CPNE4: variants seen among roughly 807,000 people sequenced by gnomAD.
CPNE4 encodes the protein copine-4.
In CPNE4, 25 loss-of-function variants were observed where a neutral mutation model predicts 67.9. The observed-to-expected ratio is 0.37, with a 90% CI of 0.27 to 0.51. CPNE4 has a LOEUF of 0.51. Among genes scored for constraint, CPNE4 ranks in the 20% least tolerant of loss-of-function variants. CPNE4 has a pLI of 0.93. For missense variants in CPNE4, 464 were observed against 690.8 expected (o/e 0.67, Z 3.68); for synonymous variants, 242 against 244.9 (o/e 0.99, Z 0.11).
At chr3:131,635,196 C>A (rs2079344401) in intron 7 of CPNE4, among the ~76,000 whole-genome samples, 1 of 152,160 alleles carries the variant, frequency 6.6e-6, no homozygotes, top group Non-Finnish European at 1.5e-5. Context: ...TGTAAAAAGT[C>A]TCGGAAAACC....
intron 7 of CPNE4, among the ~76,000 whole-genome samples, chr3:131,600,038 T>C (rs547366760): frequency 1.3e-5 from 2 of 152,148 alleles, no homozygotes; most frequent in Admixed American, 6.5e-5. Context: ...TATATCTCTA[T>C]GCAGTTGGGT....
chr3:131,887,178 G>A (rs1163765937), intron 2 of CPNE4, among the ~76,000 whole-genome samples: 1 of 152,170 alleles, frequency 6.6e-6, no homozygotes, highest in African/African-American at 2.4e-5. Context: ...CCCCCATACT[G>A]TTCTCATGGT....
chr3:131,592,403 A>G (rs1389564617), intron 7 of CPNE4, among the ~76,000 whole-genome samples: 1 of 152,198 alleles, frequency 6.6e-6, no homozygotes, highest in Non-Finnish European at 1.5e-5. Flanking sequence ...TTAACTGAGC[A>G]TCTTTTATAA....
chr3:131,866,158 C>T (rs1320310814), intron 2 of CPNE4, among the ~76,000 whole-genome samples: 1 of 152,210 alleles, frequency 6.6e-6, no homozygotes, highest in African/African-American at 2.4e-5. Context: ...GATGGCACAT[C>T]ACAGTGCCCA....
intron 1 of CPNE4, among the ~76,000 whole-genome samples, chr3:132,023,920 C>G (rs1378695682): frequency 6.6e-6 from 1 of 152,110 alleles, no homozygotes; most frequent in Non-Finnish European, 1.5e-5. Flanking sequence ...CAAAAATCAT[C>G]AAAACAAATT....
intron 1 of CPNE4, among the ~76,000 whole-genome samples, chr3:131,978,074 T>C (rs1245488877): frequency 2.9e-5 from 1 of 34,700 alleles, no homozygotes; most frequent in African/African-American, 1.5e-4. Context: ...TATAAATATA[T>C]ATAAATATAT....
intron 2 of CPNE4, among the ~76,000 whole-genome samples, chr3:131,884,195 A>G (rs2087789407): frequency 6.6e-6 from 1 of 152,218 alleles, no homozygotes; most frequent in African/African-American, 2.4e-5. Context: ...TAGGAATTCA[A>G]TAAATGTTTA....
intron 2 of CPNE4, among the ~76,000 whole-genome samples, chr3:131,852,399 A>G (rs191373781): frequency 1.9e-4 from 29 of 152,172 alleles, no homozygotes; most frequent in Middle Eastern, 3.4e-3. Context: ...TCATCACACT[A>G]AAGAATAAGG....
At chr3:131,856,488 T>C (rs2086448811) in intron 2 of CPNE4, among the ~76,000 whole-genome samples, 1 of 151,982 alleles carries the variant, frequency 6.6e-6, no homozygotes, top group African/African-American at 2.4e-5. Context: ...AAATATATCA[T>C]ACATTCTAAC....
chr3:131,782,497 TAC>T (rs537380158), intron 2 of CPNE4, among the ~76,000 whole-genome samples: 1 of 151,992 alleles, frequency 6.6e-6, no homozygotes, highest in Non-Finnish European at 1.5e-5. Flanking sequence ...CACACATGCA[TAC>T]ACACACACAT....
chr3:131,655,322 G>C (rs1201139134), intron 7 of CPNE4, among the ~76,000 whole-genome samples: 2 of 152,134 alleles, frequency 1.3e-5, no homozygotes, highest in Non-Finnish European at 2.9e-5. Context: ...TTCTGATGTT[G>C]CTAAAGTTTG....
chr3:131,639,786 G>T (rs1006069800), intron 7 of CPNE4, among the ~76,000 whole-genome samples: 8 of 151,898 alleles, frequency 5.3e-5, no homozygotes, highest in Admixed American at 1.3e-4. Context: ...AAATCCAATA[G>T]CATATCAAAA....
At chr3:131,902,236 A>T (rs2088581495) in intron 2 of CPNE4, among the ~76,000 whole-genome samples, 1 of 152,112 alleles carries the variant, frequency 6.6e-6, no homozygotes, top group Non-Finnish European at 1.5e-5. Context: ...TTCTAGGTAA[A>T]GGAAGCCGTG....
chr3:131,858,836 T>C (rs1441329411), intron 2 of CPNE4, among the ~76,000 whole-genome samples: 1 of 152,124 alleles, frequency 6.6e-6, no homozygotes, highest in Non-Finnish European at 1.5e-5. Context: ...CAATTTGACA[T>C]CAGGCAACTC....
At chr3:131,570,584 G>A (rs1937288381) in intron 10 of CPNE4, among the ~76,000 whole-genome samples, 1 of 151,894 alleles carries the variant, frequency 6.6e-6, no homozygotes, top group South Asian at 2.1e-4. Flanking sequence ...TCTACCATGT[G>A]CCAAACCCAA....
intron 4 of CPNE4, among the ~76,000 whole-genome samples, chr3:131,697,911 C>T (rs568004776): frequency 3.3e-5 from 5 of 152,196 alleles, no homozygotes; most frequent in Admixed American, 3.3e-4. Context: ...GATCTAAAGA[C>T]TCAAAGTTGA....
At chr3:131,704,277 T>C (rs748255079) in intron 3 of CPNE4, among the ~76,000 whole-genome samples, 1 of 152,172 alleles carries the variant, frequency 6.6e-6, no homozygotes, top group Non-Finnish European at 1.5e-5. Flanking sequence ...TTTCCTCTGG[T>C]ATCCATGGCT....
intron 1 of CPNE4, among the ~76,000 whole-genome samples, chr3:131,945,322 C>A (rs1391098074): frequency 1.3e-5 from 2 of 152,170 alleles, no homozygotes; most frequent in East Asian, 1.9e-4. Context: ...TGGGCATATG[C>A]TGCTCAAATC....
chr3:131,627,630 A>G (rs1265324123), intron 7 of CPNE4, among the ~76,000 whole-genome samples: 1 of 152,258 alleles, frequency 6.6e-6, no homozygotes, highest in Non-Finnish European at 1.5e-5. Context: ...ATGACTCTAG[A>G]TGCCTTAAGA....
Sources: gnomAD v4.1 joint callset for allele counts (sites outside exome capture counted in the v4.1 genomes callset) on GRCh38, gnomAD v4.1.1 for gene constraint, MANE v1.5 for transcripts, NCBI Gene and HGNC (gene_info 2026-07-23, HGNC 2026-07-21) for gene names.